Variants in CLVS1 observed in about 807,000 individuals in gnomAD.
CLVS1 encodes the protein clavesin-1.
In CLVS1, 10 loss-of-function variants were observed where a neutral mutation model predicts 33.1. The observed-to-expected ratio is 0.30, with a 90% CI of 0.19 to 0.51. The LOEUF is 0.51. CLVS1 is among the 20% of genes least tolerant of loss of function. The probability of loss-of-function intolerance (pLI) is 0.97; values close to 1 mark genes in which losing one functional copy is unlikely to be tolerated. For synonymous variants in CLVS1, 163 were observed against 166.1 expected (o/e 0.98, Z 0.14); for missense variants, 343 against 433.4 (o/e 0.79, Z 1.85).
chr8:61,068,142 A>T (rs1804716241), intron 1 of CLVS1, among the ~76,000 whole-genome samples: 1 of 150,640 alleles, frequency 6.6e-6, no homozygotes, highest in Admixed American at 6.6e-5. Context: ...ACTGCACTCC[A>T]GCCTGGGTGA....
intron 2 of CLVS1, among the ~76,000 whole-genome samples, chr8:61,201,373 G>A (rs1213014486): frequency 6.6e-6 from 1 of 152,100 alleles, no homozygotes; most frequent in Non-Finnish European, 1.5e-5. Context: ...TGCATTTCCC[G>A]AAGCTTCTGA....
At chr8:61,393,927 T>A (rs1814408732) in intron 3 of CLVS1, among the ~76,000 whole-genome samples, 1 of 152,220 alleles carries the variant, frequency 6.6e-6, no homozygotes. Context: ...AACCTCTGGT[T>A]AGCCAGGATG....
At chr8:61,477,666 G>C (rs921480101) in intron 5 of CLVS1, among the ~76,000 whole-genome samples, 11 of 151,994 alleles carry the variant, frequency 7.2e-5, no homozygotes, top group Non-Finnish European at 1.6e-4. Flanking sequence ...ATTTTTTATT[G>C]TGTCTATTTG....
At chr8:61,121,007 G>C (rs1050607418) in intron 1 of CLVS1, among the ~76,000 whole-genome samples, 4 of 151,274 alleles carry the variant, frequency 2.6e-5, no homozygotes, top group Non-Finnish European at 5.9e-5. Flanking sequence ...TCAGACTGCT[G>C]TGCTAGCAAT....
At chr8:61,145,955 T>G (rs899411098) in intron 2 of CLVS1, among the ~76,000 whole-genome samples, 1 of 152,214 alleles carries the variant, frequency 6.6e-6, no homozygotes, top group Admixed American at 6.5e-5. Flanking sequence ...CTTCTGTGGG[T>G]TACTGGAAGG....
chr8:61,301,562 C>T (rs1313386312), intron 2 of CLVS1, among the ~76,000 whole-genome samples: 1 of 152,214 alleles, frequency 6.6e-6, no homozygotes, highest in Non-Finnish European at 1.5e-5. Flanking sequence ...ATGACAAGCT[C>T]TGCTAAGCAT....
chr8:61,117,155 T>C (rs1389847961), intron 1 of CLVS1, among the ~76,000 whole-genome samples: 3 of 123,650 alleles, frequency 2.4e-5, no homozygotes, highest in African/African-American at 3.4e-5. Context: ...AGTTCACTCA[T>C]GATTTGGCTC....
At chr8:61,421,690 C>T (rs1815673048) in intron 3 of CLVS1, among the ~76,000 whole-genome samples, 1 of 152,226 alleles carries the variant, frequency 6.6e-6, no homozygotes, top group African/African-American at 2.4e-5. Context: ...GTTCCACTTC[C>T]TTATAGGACC....
Position 61,277,158 on chromosome 8 carries a change from A to G in CLVS1, c.-151-22519A>G, listed in dbSNP as rs73253125. Among the ~76,000 whole-genome samples the G allele has an allele frequency of 2.4e-3, 364 of 152,254 alleles. 3 individuals are homozygous for G. Among genetic ancestry groups the G allele is most frequent in the African/African-American group, 8.6e-3 (356 of 41,542 alleles). ...CACTTAGTATACCAGGCATGTTCTA[A>G]GCACCAAGCACTACCTTTAGGCTAA... On this transcript the variant is annotated intron_variant, in intron 2 of 2. Transcript: ENST00000522621.
intron 2 of CLVS1, among the ~76,000 whole-genome samples, chr8:61,205,277 G>A (rs1299587269): frequency 6.6e-6 from 1 of 151,916 alleles, no homozygotes; most frequent in East Asian, 1.9e-4. Context: ...TTGACATTCT[G>A]TACATTAAAC....
intron 2 of CLVS1, among the ~76,000 whole-genome samples, chr8:61,175,311 T>C (rs1459551802): frequency 6.6e-6 from 1 of 152,198 alleles, no homozygotes; most frequent in East Asian, 1.9e-4. Context: ...AGCTGACTTG[T>C]GCTTCTATCA....
chr8:61,198,657 G>A (rs569894354), intron 2 of CLVS1, among the ~76,000 whole-genome samples: 1 of 152,320 alleles, frequency 6.6e-6, no homozygotes, highest in East Asian at 1.9e-4. Context: ...TGAGATAACA[G>A]GCGTGAGCCA....
In CLVS1 at chr8:61,185,402, C is replaced by A. The variant is rs113725733; in HGVS notation, c.-152+53542C>A. On this transcript the variant is annotated intron_variant, in intron 2 of 2. Transcript: ENST00000522621. ...CTCCTGGCTTCAAGCTATCCTCCCGCCTCGGCCTCCAAAAGTCCTGGAATT... is the reference window on the plus strand; with the variant it reads ...CTCCTGGCTTCAAGCTATCCTCCCGACTCGGCCTCCAAAAGTCCTGGAATT... Among the ~76,000 whole-genome samples, 1,453 of 151,832 alleles carry A rather than the reference C, an allele frequency of 9.6e-3. 32 individuals are homozygous for A. Among genetic ancestry groups the A allele is most frequent in the African/African-American group, 0.032 (1,334 of 41,352 alleles).
intron 1 of CLVS1, chr8:61,292,032 A>G (rs909443707): frequency 1.3e-5 from 3 of 234,016 alleles, no homozygotes; most frequent in African/African-American, 6.8e-5. Flanking sequence ...GTGAGTCCTG[A>G]CATGCTGTGT....
At chr8:61,323,721 C>T (rs1469334039) in intron 2 of CLVS1, among the ~76,000 whole-genome samples, 1 of 151,890 alleles carries the variant, frequency 6.6e-6, no homozygotes, top group Non-Finnish European at 1.5e-5. Context: ...AAACTTGTGT[C>T]ATGGGGGTTT....
At chr8:61,184,848 T>G (rs1196016805) in intron 2 of CLVS1, among the ~76,000 whole-genome samples, 1 of 152,220 alleles carries the variant, frequency 6.6e-6, no homozygotes, top group African/African-American at 2.4e-5. Context: ...AATGGTATTA[T>G]CTGATAAACA....
chr8:60,995,669 C>A, the CLVS1 span, among the ~76,000 whole-genome samples: 1 of 152,168 alleles, frequency 6.6e-6, no homozygotes, highest in East Asian at 1.9e-4. Context: ...TGGGTATATA[C>A]CCAAAGGACT....
the CLVS1 span, among the ~76,000 whole-genome samples, chr8:60,998,242 G>A: frequency 6.6e-6 from 1 of 152,164 alleles, no homozygotes; most frequent in Non-Finnish European, 1.5e-5. Context: ...AAGGAGGGGT[G>A]CTGAGTCAAT....
chr8:61,103,796 C>G (rs1805488737), intron 1 of CLVS1, among the ~76,000 whole-genome samples: 2 of 152,150 alleles, frequency 1.3e-5, no homozygotes, highest in Admixed American at 6.5e-5. Context: ...AACACTTGAG[C>G]TGAATTTCAG....
Sources: allele counts gnomAD v4.1 joint callset (sites outside exome capture counted in the v4.1 genomes callset), GRCh38; gene constraint gnomAD v4.1.1; transcripts MANE v1.5; gene names NCBI Gene and HGNC (gene_info 2026-07-23, HGNC 2026-07-21).